The following AP4E1 variants were observed in gnomAD, a reference collection of about 807,000 sequenced individuals.
The protein encoded by AP4E1 is adaptor related protein complex 4 subunit epsilon 1, also known as AP-4 complex subunit epsilon-1.
A neutral mutation model predicts 128.2 loss-of-function variants in AP4E1; 56 were observed. The observed-to-expected ratio is 0.44, with a 90% CI of 0.35 to 0.55. The LOEUF (loss-of-function observed/expected upper bound fraction) is 0.55, where lower values mean the gene tolerates loss of function less well. AP4E1 is among the 20% of genes least tolerant of loss of function. The pLI, the probability that AP4E1 is intolerant of heterozygous loss-of-function variation, is 0.00. For missense variants in AP4E1, 1,324 were observed against 1,307.7 expected (o/e 1.01, Z -0.19); for synonymous variants, 484 against 473.1 (o/e 1.02, Z -0.30).
chr15:50,989,543 T>G (rs892136460), intron 16 of AP4E1, among the ~76,000 whole-genome samples: 2 of 152,162 alleles, frequency 1.3e-5, no homozygotes, highest in Admixed American at 6.5e-5. Context: ...GATATTTAAT[T>G]TTGATACTCC....
chr15:50,958,454 G>C (rs1395372659), intron 13 of AP4E1, 38 bp from the exon 14 acceptor site: 3 of 1,549,492 alleles, frequency 1.9e-6, no homozygotes, highest in Non-Finnish European at 2.7e-6. Context: ...TGTATAACTT[G>C]ATATTTCTAT....
intron 3 of AP4E1, among the ~76,000 whole-genome samples, chr15:50,921,152 T>C (rs1347837325): frequency 6.6e-6 from 1 of 151,902 alleles, no homozygotes; most frequent in Non-Finnish European, 1.5e-5. Context: ...AATACTTTTT[T>C]TAAGTTATTA....
At chr15:50,998,202 T>A (rs539355394) in intron 18 of AP4E1, among the ~76,000 whole-genome samples, 1 of 152,262 alleles carries the variant, frequency 6.6e-6, no homozygotes, top group Non-Finnish European at 1.5e-5. Context: ...CTTGGTGGAT[T>A]TATAATGAGA....
intron 14 of AP4E1, among the ~76,000 whole-genome samples, chr15:50,967,501 A>C (rs2064409500): frequency 6.6e-6 from 1 of 152,226 alleles, no homozygotes; most frequent in Non-Finnish European, 1.5e-5. Flanking sequence ...CCCCTGGTAC[A>C]TCCAGAAGGA....
intron 1 of AP4E1, among the ~76,000 whole-genome samples, chr15:50,911,576 G>T (rs1449934755): frequency 1.3e-5 from 2 of 150,922 alleles, no homozygotes; most frequent in Non-Finnish European, 2.9e-5. Context: ...TTCACTTCCC[G>T]GGTTCAAGCG....
At chr15:50,939,401 G>T (rs1221701482) in intron 8 of AP4E1, among the ~76,000 whole-genome samples, 2 of 151,892 alleles carry the variant, frequency 1.3e-5, no homozygotes, top group African/African-American at 4.8e-5. Flanking sequence ...TGAACCTGGG[G>T]GGTGGAGGTT....
chr15:50,972,137 T>C (rs1229611653), intron 15 of AP4E1, among the ~76,000 whole-genome samples: 1 of 152,192 alleles, frequency 6.6e-6, no homozygotes. Context: ...GTCTTATTTG[T>C]ATAAATGTTC....
chr15:50,958,369 C>A, intron 13 of AP4E1, 123 bp from the exon 14 acceptor site: 1 of 778,916 alleles, frequency 1.3e-6, no homozygotes, highest in Non-Finnish European at 2.0e-6. Context: ...AATTTTTTCA[C>A]CATGAGAGGA....
chr15:50,979,644 C>T (rs984700954), intron 15 of AP4E1, among the ~76,000 whole-genome samples: 5 of 152,162 alleles, frequency 3.3e-5, no homozygotes, highest in Non-Finnish European at 7.3e-5. Context: ...CCTGTCTCAG[C>T]CTCCCGAGTA....
At chr15:50,920,046 C>T (rs144195478) in intron 3 of AP4E1, among the ~76,000 whole-genome samples, 16 of 141,652 alleles carry the variant, frequency 1.1e-4, no homozygotes, top group African/African-American at 4.2e-4. Flanking sequence ...CACTGCACTC[C>T]AGCCTAGGCA....
intron 13 of AP4E1, among the ~76,000 whole-genome samples, chr15:50,951,651 C>G (rs1410255477): frequency 1.3e-5 from 2 of 151,528 alleles, no homozygotes; most frequent in African/African-American, 4.9e-5. Flanking sequence ...TTTTTCTTTT[C>G]TCATCTGCAG....
chr15:50,908,630 CT>C, upstream of AP4E1: 1 of 1,088,542 alleles, frequency 9.2e-7, no homozygotes, highest in Non-Finnish European at 1.2e-6. Context: ...GAGAACGACG[CT>C]GAACTTGTTC....
intron 7 of AP4E1, among the ~76,000 whole-genome samples, chr15:50,931,434 C>T (rs923378792): frequency 1.1e-4 from 16 of 152,052 alleles, no homozygotes; most frequent in African/African-American, 2.9e-4. Flanking sequence ...GGCACAGTGG[C>T]GCGCGCCTGT....
At chr15:50,934,375 C>T (rs529666536) in intron 7 of AP4E1, among the ~76,000 whole-genome samples, 1 of 152,064 alleles carries the variant, frequency 6.6e-6, no homozygotes, top group East Asian at 1.9e-4. Flanking sequence ...ATAAACTAGG[C>T]ACAGTGAGGA....
At chr15:50,987,917 T>C (rs1344524071) in intron 16 of AP4E1, among the ~76,000 whole-genome samples, 1 of 152,204 alleles carries the variant, frequency 6.6e-6, no homozygotes, top group African/African-American at 2.4e-5. Flanking sequence ...GCATAAAATA[T>C]GTACAAGCTT....
At chr15:50,966,506 A>G (rs931363721) in intron 14 of AP4E1, among the ~76,000 whole-genome samples, 27 of 150,722 alleles carry the variant, frequency 1.8e-4, no homozygotes, top group Admixed American at 9.9e-4. Context: ...TGATGTTGAC[A>G]TAGCCTCAGC....
chr15:50,934,352 A>G (rs2063877805), intron 7 of AP4E1, among the ~76,000 whole-genome samples: 1 of 152,094 alleles, frequency 6.6e-6, no homozygotes, highest in Non-Finnish European at 1.5e-5. Context: ...TCAACCAAAT[A>G]AAAACTTGGT....
Position 50,912,122 on chromosome 15 carries a change from G to T in AP4E1, c.195G>T (p.Ala65=), listed in dbSNP as rs376597376. ...AGCAGGAACTGAGTAGTCTGAAAGC[G>T]ACTGTTTCTGCTCCTACTACAACAC... is the stretch of plus-strand genomic sequence containing the variant. ...LIQQELSSLK[A]TVSAPTTTLK... is the part of the protein sequence containing the mutation. Residue 65 remains alanine (A), a synonymous_variant, in exon 2 of 21, where the codon GCG becomes GCT. Coordinates refer to ENST00000261842, the MANE Select transcript of AP4E1 (RefSeq NM_007347.5). 2.4e-5 allele frequency: 38 copies of T among 1,613,970 alleles called. No individual in the cohort carries two copies. Among genetic ancestry groups the T allele is most frequent in the Non-Finnish European group, 1.9e-5 (23 of 1,180,006 alleles).
intron 11 of AP4E1, among the ~76,000 whole-genome samples, chr15:50,948,384 A>C (rs2064093840): frequency 7.3e-6 from 1 of 136,826 alleles, no homozygotes; most frequent in Admixed American, 7.7e-5. Context: ...CATGTAGTCC[A>C]GTATTTTGAG....
Sources: gnomAD v4.1 joint callset for allele counts (sites outside exome capture counted in the v4.1 genomes callset) on GRCh38, gnomAD v4.1.1 for gene constraint, MANE v1.5 for transcripts, NCBI Gene and HGNC (gene_info 2026-07-23, HGNC 2026-07-21) for gene names.